Variants in IQCE observed in about 807,000 individuals in gnomAD.
IQCE encodes the protein IQ motif containing E, also known as IQ domain-containing protein E.
Under a neutral mutation model 96.0 loss-of-function variants are expected in IQCE, and 115 were observed. That is an observed-to-expected ratio of 1.20 (90% confidence interval 1.03 to 1.40). The LOEUF (loss-of-function observed/expected upper bound fraction) is 1.40, where lower values mean the gene tolerates loss of function less well. IQCE is among the 40% of genes most tolerant of loss of function. The pLI is 0.00. For missense variants in IQCE, 1,041 were observed against 909.1 expected (o/e 1.15, Z -1.87); for synonymous variants, 412 against 371.2 (o/e 1.11, Z -1.26).
At chr7:2,592,696 C>A (rs1472639222) in intron 14 of IQCE, among the ~76,000 whole-genome samples, 1 of 152,244 alleles carries the variant, frequency 6.6e-6, no homozygotes, top group Non-Finnish European at 1.5e-5. Flanking sequence ...CGCCTGCCTG[C>A]AGCACCCTCA....
At position 2,578,239 on chromosome 7, in the gene IQCE, C is replaced by A. The variant is rs763831006; in HGVS notation, c.466-3C>A. On this transcript the variant is annotated splice_region_variant and splice_polypyrimidine_tract_variant and intron_variant, in intron 6 of 21. Coordinates refer to ENST00000402050, the MANE Select transcript of IQCE (RefSeq NM_152558.5). Reference sequence around the variant, plus strand: ...GGCTGTGCATGGCCCTTGTTTTCTTCAGTCATTGCACGTGCAGAAGAGCGA... The same window carrying A: ...GGCTGTGCATGGCCCTTGTTTTCTTAAGTCATTGCACGTGCAGAAGAGCGA... The A allele has an allele frequency of 2.4e-5, 38 of 1,610,104 alleles. No individual in the cohort carries two copies. The Admixed American group carries it at 4.0e-4, about 17-fold the overall frequency.
chr7:2,601,628 C>A lies in IQCE; in HGVS notation c.1632+164C>A, dbSNP rs1784441300. ...GCAGTGGTGCAATCTTGGCTCACTG[C>A]AACCTCCGCCTCCTGGGTTCAAGCG... On this transcript the variant is annotated intron_variant, in intron 18 of 21. Coordinates refer to ENST00000402050, the MANE Select transcript of IQCE (RefSeq NM_152558.5). 6.4e-6 allele frequency: 4 copies of A among 627,224 alleles called. No homozygotes were observed. The South Asian group carries it at 6.7e-5, about 10-fold the overall frequency. 38.9% of individuals were successfully genotyped at this position (627,224 alleles called of 1,614,324 possible).
intron 8 of IQCE, chr7:2,580,390 A>C (rs568284599): frequency 1.3e-5 from 2 of 152,282 alleles, no homozygotes; most frequent in South Asian, 4.1e-4. Context: ...CAGGTGGATC[A>C]CCTGAAGTCA....
In IQCE at chr7:2,586,319, G is replaced by C. The variant is rs201181062; in HGVS notation, c.936G>C (p.Lys312Asn). Residue 312 changes from lysine to asparagine, a missense_variant, in exon 12 of 22, where the codon AAG (lysine) becomes AAC (asparagine). Lys to Asn is a moderately conservative substitution (Grantham distance 94). Coordinates refer to ENST00000402050, the MANE Select transcript of IQCE (RefSeq NM_152558.5). ...TCACGGAAGAGAACCAGAGCCTGAA[G>C]GAGGACCTGGACCGCGTGCTGAGCA... ...QELTEENQSL[K>N]EDLDRVLSTS... The C allele has an allele frequency of 1.9e-6, 3 of 1,613,828 alleles. No homozygotes were observed. Among genetic ancestry groups the C allele is most frequent in the Non-Finnish European group, 2.5e-6 (3 of 1,179,930 alleles).
chr7:2,601,586 G>A (rs1318020600), intron 18 of IQCE, 122 bp downstream of exon 18: 1 of 811,038 alleles, frequency 1.2e-6, no homozygotes, highest in East Asian at 2.5e-5. Flanking sequence ...ATCTCGCTCT[G>A]TGGCCCAGCC....
At chr7:2,567,626 G>A (rs574852988) in intron 2 of IQCE, among the ~76,000 whole-genome samples, 9 of 152,392 alleles carry the variant, frequency 5.9e-5, no homozygotes, top group South Asian at 2.1e-4. Context: ...CTATGGCCCC[G>A]GACTGGGCTT....
At chr7:2,601,932 C>T (rs754140745) in intron 18 of IQCE, 11 of 159,578 alleles carry the variant, frequency 6.9e-5, no homozygotes, top group Non-Finnish European at 1.2e-4. Flanking sequence ...ATAAATATTT[C>T]GATAATTTCC....
intron 6 of IQCE, among the ~76,000 whole-genome samples, chr7:2,577,425 G>A (rs1287601610): frequency 5.3e-5 from 7 of 133,208 alleles, no homozygotes; most frequent in Non-Finnish European, 1.1e-4. Context: ...ACGTGTGTGC[G>A]GCGTGCACGC....
chr7:2,559,170 A>G lies in IQCE; in HGVS notation c.-12A>G. 2 of 1,165,058 alleles carry G rather than the reference A, an allele frequency of 1.7e-6. No individual in the cohort carries two copies. The highest frequency in any genetic ancestry group is 2.1e-6 in the Non-Finnish European group (2 of 945,962). 72.2% of individuals were successfully genotyped at this position (1,165,058 alleles called of 1,614,324 possible). Reference sequence around the variant, plus strand: ...CAGCAACCCTGAGGGGCGGCCGGGCAGCGCCGCCACCATGTTCCTGGGCAC... The same window carrying G: ...CAGCAACCCTGAGGGGCGGCCGGGCGGCGCCGCCACCATGTTCCTGGGCAC... On this transcript the variant is annotated 5_prime_UTR_variant, in exon 1 of 22. Coordinates refer to ENST00000402050, the MANE Select transcript of IQCE (RefSeq NM_152558.5).
At chr7:2,560,209 A>T (rs1213620789) in intron 1 of IQCE, among the ~76,000 whole-genome samples, 1 of 152,084 alleles carries the variant, frequency 6.6e-6, no homozygotes, top group Admixed American at 6.5e-5. Context: ...TGATCATATC[A>T]CGGCCCTCCA....
At chr7:2,598,244 G>A (rs1784192285) in intron 16 of IQCE, 6 of 451,980 alleles carry the variant, frequency 1.3e-5, no homozygotes, top group Non-Finnish European at 2.3e-5. Context: ...TGAGAAGCAC[G>A]TCTGCACTTG....
intron 15 of IQCE, 147 bp downstream of exon 15, chr7:2,593,273 A>G: frequency 7.5e-7 from 1 of 1,326,252 alleles, no homozygotes. Context: ...GTTTTCTGTC[A>G]CCCAGCCCGG....
intron 8 of IQCE, 129 bp downstream of exon 8, chr7:2,578,655 C>G: frequency 1.0e-6 from 1 of 980,800 alleles, no homozygotes; most frequent in Non-Finnish European, 1.6e-6. Flanking sequence ...CTGCGGACCC[C>G]CAAACCCTTC....
At chr7:2,577,940 C>T (rs557160897) in intron 6 of IQCE, among the ~76,000 whole-genome samples, 5 of 72,168 alleles carry the variant, frequency 6.9e-5, no homozygotes, top group African/African-American at 2.4e-4. Flanking sequence ...GTGCGGCGTG[C>T]CCGCAGTGTC....
Position 2,589,996 on chromosome 7 carries a change from G to A in IQCE, c.1134G>A (p.Leu378=). The A allele has an allele frequency of 6.2e-7, 1 of 1,613,952 alleles. No homozygotes were observed. Among genetic ancestry groups the A allele is most frequent in the Non-Finnish European group, 8.5e-7 (1 of 1,180,024 alleles). ...PPACLASSSA[L]HRQPRGDRNK... ...CCTGCCTTGCATCCAGCTCTGCGCT[G>A]CACAGACAGCCACGAGGGGACCGCA... The change falls in exon 14 of 22, where the codon CTG becomes CTA. Residue 378 remains leucine (L), a synonymous_variant. Transcript: ENST00000402050.
rs373384474 is a variant in IQCE, at chr7:2,607,104, C to T, written c.1866-20C>T. Reference sequence around the variant, plus strand: ...ACTCTCTAAAAGCAGAATCAGCTGGCGTTTTCTGTTTTTTTCCAGTGCTAC... The same window carrying T: ...ACTCTCTAAAAGCAGAATCAGCTGGTGTTTTCTGTTTTTTTCCAGTGCTAC... On this transcript the variant is annotated intron_variant, in intron 20 of 21. Coordinates refer to ENST00000402050, the MANE Select transcript of IQCE (RefSeq NM_152558.5). The T allele has an allele frequency of 1.8e-5, 28 of 1,575,214 alleles. No individual in the cohort carries two copies. Among genetic ancestry groups the T allele is most frequent in the East Asian group, 4.6e-5 (2 of 43,952 alleles).
chr7:2,594,997 A>T, intron 16 of IQCE, 21 bp downstream of exon 16: 1 of 1,544,236 alleles, frequency 6.5e-7, no homozygotes, highest in Non-Finnish European at 9.0e-7. Context: ...CATTCAGTTG[A>T]GTCTCCCGTC....
At position 2,613,043 on chromosome 7, in the gene IQCE, T is replaced by G. The variant is rs577797183; in HGVS notation, c.*2881T>G. ...TCACTGCAACACCTCCACATCACCT[T>G]GAACTTCAAGAACAGCAGCAAAGCT... On this transcript the variant is annotated 3_prime_UTR_variant, in exon 22 of 22. Transcript: ENST00000402050. The G allele has an allele frequency of 6.6e-6, 1 of 152,368 alleles. No individual in the cohort carries two copies. Among genetic ancestry groups the G allele is most frequent in the Non-Finnish European group, 1.5e-5 (1 of 68,044 alleles). The allele number at this position is 152,368 out of a possible 1,614,324, so 9.4% of individuals were successfully genotyped here.
Position 2,606,114 on chromosome 7 carries a change from C to T in IQCE, c.1865+117C>T, listed in dbSNP as rs571653321. 29 of 1,286,112 alleles carry T rather than the reference C, an allele frequency of 2.3e-5. No individual in the cohort carries two copies. In the East Asian group the frequency reaches 8.3e-4, roughly 37 times the overall value. The allele number at this position is 1,286,112 out of a possible 1,614,324, so 79.7% of individuals were successfully genotyped here. On this transcript the variant is annotated intron_variant, in intron 20 of 21. Transcript: ENST00000402050. ...GCGGAAACTGGAGCAGCGCCTGCCG[C>T]CTGCCAGCGGGACCTCGGTTTGGAG...
Sources: gnomAD v4.1 joint callset for allele counts (sites outside exome capture counted in the v4.1 genomes callset) on GRCh38, gnomAD v4.1.1 for gene constraint, MANE v1.5 for transcripts, NCBI Gene and HGNC (gene_info 2026-07-23, HGNC 2026-07-21) for gene names.